MTHFD1L: variants seen among roughly 807,000 people sequenced by gnomAD.
MTHFD1L encodes methylenetetrahydrofolate dehydrogenase (NADP+ dependent) 1 like.
Under a neutral mutation model 119.5 loss-of-function variants are expected in MTHFD1L, and 81 were observed. The observed-to-expected ratio is 0.68, with a 90% CI of 0.57 to 0.82. The LOEUF is 0.82. MTHFD1L is among the 40% of genes least tolerant of loss of function. The pLI is 0.00. For synonymous variants in MTHFD1L, 430 were observed against 475.2 expected, an observed-to-expected ratio of 0.90 and a Z score of 1.24; for missense variants, 1,125 against 1,253.4, an observed-to-expected ratio of 0.90 and a Z score of 1.55.
intron 13 of MTHFD1L, among the ~76,000 whole-genome samples, chr6:150,941,051 G>A (rs1292328244): frequency 6.6e-6 from 1 of 152,198 alleles, no homozygotes; most frequent in Non-Finnish European, 1.5e-5. Context: ...AATATGTACT[G>A]GACGGAACAT....
At chr6:150,935,916 T>C (rs1791971515) in intron 11 of MTHFD1L, among the ~76,000 whole-genome samples, 1 of 152,242 alleles carries the variant, frequency 6.6e-6, no homozygotes, top group Non-Finnish European at 1.5e-5. Flanking sequence ...ATGCTTGTGA[T>C]GTACTAAAGA....
intron 24 of MTHFD1L, among the ~76,000 whole-genome samples, chr6:151,034,195 A>G (rs1056218517): frequency 2.0e-5 from 3 of 151,992 alleles, no homozygotes; most frequent in South Asian, 2.1e-4. Context: ...ATAGTAAACT[A>G]TATTTTTTTA....
chr6:150,989,339 G>A (rs1778746322), intron 20 of MTHFD1L, among the ~76,000 whole-genome samples: 1 of 152,124 alleles, frequency 6.6e-6, no homozygotes, highest in East Asian at 1.9e-4. Flanking sequence ...GTGTAACCCT[G>A]AAGACGCATC....
At position 150,933,133 on chromosome 6, in the gene MTHFD1L, C is replaced by G. The variant is rs571038808; in HGVS notation, c.1257-3671C>G. Reference sequence around the variant, plus strand: ...CTGTATTAGTTGGCAGAAAGCTGAGCAGTCCTGTGTTTCTAATTAAGAATT... The same window carrying G: ...CTGTATTAGTTGGCAGAAAGCTGAGGAGTCCTGTGTTTCTAATTAAGAATT... On this transcript the variant is annotated intron_variant, in intron 11 of 27. Coordinates refer to ENST00000367321, the MANE Select transcript of MTHFD1L (RefSeq NM_015440.5). 3.4e-3 allele frequency among the ~76,000 whole-genome samples: 518 copies of G among 152,222 alleles called. 2 individuals carry two copies. The highest frequency in any genetic ancestry group is 5.5e-3 in the Non-Finnish European group (377 of 67,998).
Position 151,092,132 on chromosome 6 carries a change from C to T in MTHFD1L, c.2848-335C>T, listed in dbSNP as rs75665595. Among the ~76,000 whole-genome samples, 45 of 152,210 alleles carry T rather than the reference C, an allele frequency of 3.0e-4. No homozygotes were observed. In the East Asian group the frequency reaches 7.7e-3, roughly 26 times the overall value. On this transcript the variant is annotated intron_variant, in intron 26 of 27. Coordinates refer to ENST00000367321, the MANE Select transcript of MTHFD1L (RefSeq NM_015440.5). ...GCCCACACCTGCTGCCCCCTTCAACCTGATGGGCTTGTCTTTGTTGGCGTT... is the reference window on the plus strand; with the variant it reads ...GCCCACACCTGCTGCCCCCTTCAACTTGATGGGCTTGTCTTTGTTGGCGTT...
At chr6:151,060,202 C>G (rs1261643424) in intron 26 of MTHFD1L, among the ~76,000 whole-genome samples, 1 of 152,124 alleles carries the variant, frequency 6.6e-6, no homozygotes, top group Non-Finnish European at 1.5e-5. Context: ...CAGGAGAGTC[C>G]AGGTGCTAGA....
chr6:150,925,637 C>T (rs1162139157), intron 10 of MTHFD1L, among the ~76,000 whole-genome samples: 1 of 152,062 alleles, frequency 6.6e-6, no homozygotes, highest in African/African-American at 2.4e-5. Flanking sequence ...AGCATTTCCA[C>T]ATTTTTTCTT....
intron 16 of MTHFD1L, among the ~76,000 whole-genome samples, chr6:150,949,590 A>T (rs1794557940): frequency 6.6e-6 from 1 of 152,024 alleles, no homozygotes; most frequent in Non-Finnish European, 1.5e-5. Flanking sequence ...TTTTCCTCCA[A>T]GTCTGATATG....
At chr6:150,879,362 A>G (rs1780994062) in intron 4 of MTHFD1L, among the ~76,000 whole-genome samples, 1 of 151,908 alleles carries the variant, frequency 6.6e-6, no homozygotes, top group Admixed American at 6.6e-5. Context: ...ATCTTGGCTC[A>G]CTGCAACCTC....
chr6:150,910,580 T>G (rs1203462817), intron 8 of MTHFD1L, among the ~76,000 whole-genome samples: 1 of 152,038 alleles, frequency 6.6e-6, no homozygotes, highest in Non-Finnish European at 1.5e-5. Flanking sequence ...AAGAAATTCT[T>G]AATTGCATTG....
intron 1 of MTHFD1L, chr6:150,866,785 C>T: frequency 1.3e-6 from 1 of 792,346 alleles, no homozygotes; most frequent in African/African-American, 1.8e-5. Context: ...GAGCCCCGGG[C>T]CCGGCCTTTC....
At chr6:151,004,024 AAAAG>A (rs1448484712) in intron 20 of MTHFD1L, among the ~76,000 whole-genome samples, 1,480 of 146,712 alleles carry the variant, frequency 0.01, 18 homozygotes, top group African/African-American at 0.037. Context: ...AAAAAAAAAA[AAAAG>A]AGAGAGAGAG....
At chr6:150,985,120 C>T (rs889090021) in intron 20 of MTHFD1L, 1 of 152,152 alleles carries the variant, frequency 6.6e-6, no homozygotes, top group Admixed American at 6.5e-5. Context: ...GTTGGCAGCT[C>T]CTATTCCCAC....
intron 7 of MTHFD1L, among the ~76,000 whole-genome samples, chr6:150,890,348 G>A (rs1783037507): frequency 6.6e-6 from 1 of 152,066 alleles, no homozygotes; most frequent in Admixed American, 6.6e-5. Flanking sequence ...GCCCCTTTCT[G>A]CTGTCAGGGC....
intron 26 of MTHFD1L, among the ~76,000 whole-genome samples, chr6:151,063,173 A>G (rs1790845353): frequency 6.6e-6 from 1 of 152,172 alleles, no homozygotes; most frequent in Non-Finnish European, 1.5e-5. Flanking sequence ...GATTGGATAC[A>G]TTTACATGTT....
At chr6:150,882,301 T>C (rs150438125) in intron 4 of MTHFD1L, among the ~76,000 whole-genome samples, 4 of 152,372 alleles carry the variant, frequency 2.6e-5, no homozygotes, top group Non-Finnish European at 5.9e-5. Flanking sequence ...GTGAGCTGTG[T>C]TGAACACATT....
intron 18 of MTHFD1L, among the ~76,000 whole-genome samples, chr6:150,962,371 A>G (rs1166826374): frequency 6.6e-6 from 1 of 152,220 alleles, no homozygotes; most frequent in East Asian, 1.9e-4. Flanking sequence ...ACCTTTTTAA[A>G]TAAACTCTTT....
At chr6:150,889,938 C>T (rs189624855) in intron 7 of MTHFD1L, among the ~76,000 whole-genome samples, 2 of 152,238 alleles carry the variant, frequency 1.3e-5, no homozygotes, top group African/African-American at 4.8e-5. Flanking sequence ...AGGCAGACCA[C>T]CTGAGGTTGG....
At chr6:150,897,034 A>G (rs1032353134) in intron 7 of MTHFD1L, among the ~76,000 whole-genome samples, 3 of 151,986 alleles carry the variant, frequency 2.0e-5, no homozygotes, top group African/African-American at 7.2e-5. Flanking sequence ...GAAGAATAGC[A>G]TGAACCCGGG....
Sources: gnomAD v4.1 joint callset for allele counts (sites outside exome capture counted in the v4.1 genomes callset) on GRCh38, gnomAD v4.1.1 for gene constraint, MANE v1.5 for transcripts, NCBI Gene and HGNC (gene_info 2026-07-23, HGNC 2026-07-21) for gene names.